MECOM: variants seen among roughly 807,000 people sequenced by gnomAD.
The protein encoded by MECOM is histone-lysine N-methyltransferase MECOM.
A neutral mutation model predicts 116.3 loss-of-function variants in MECOM; 13 were observed. That is an observed-to-expected ratio of 0.11 (90% CI 0.07 to 0.18). MECOM has a LOEUF of 0.18. Among genes scored for constraint, MECOM ranks in the 10% least tolerant of loss-of-function variants. MECOM has a pLI of 1.00. For synonymous variants in MECOM, 528 were observed against 535.2 expected, an observed-to-expected ratio of 0.99 and a Z score of 0.19; for missense variants, 1,299 against 1,509.0, an observed-to-expected ratio of 0.86 and a Z score of 2.31.
chr3:169,594,174 A>AAAAAAAAAAAAAAAAAAACC lies in MECOM; in HGVS notation c.37+69161_37+69162insGGTTTTTTTTTTTTTTTTTT, dbSNP rs1255613781. Among the ~76,000 whole-genome samples, 165 of 125,938 alleles carry AAAAAAAAAAAAAAAAAAACC rather than the reference A, an allele frequency of 1.3e-3. 4 individuals are homozygous for AAAAAAAAAAAAAAAAAAACC. The highest frequency in any genetic ancestry group is 5.1e-3 in the African/African-American group (158 of 31,082). 82.6% of individuals were successfully genotyped at this position (125,938 alleles called of 152,430 possible). On this transcript the variant is annotated intron_variant, in intron 1 of 16. Transcript: ENST00000651503. Reference sequence around the variant, plus strand: ...CACCACAAAAAAAAAAAAAAAAAAAAAACACCTTTTCACCTAAGTACCTCA... The same window carrying AAAAAAAAAAAAAAAAAAACC: ...CACCACAAAAAAAAAAAAAAAAAAAAAAAAAAAAAAAAAAAAAACCAACACCTTTTCACCTAAGTACCTCA...
intron 1 of MECOM, among the ~76,000 whole-genome samples, chr3:169,569,918 T>C (rs1244035169): frequency 6.6e-6 from 1 of 151,612 alleles, no homozygotes; most frequent in Non-Finnish European, 1.5e-5. Flanking sequence ...AAAACCTAAA[T>C]CACAATTAAA....
chr3:169,584,366 C>G (rs948133650), intron 1 of MECOM, among the ~76,000 whole-genome samples: 17 of 151,208 alleles, frequency 1.1e-4, no homozygotes, highest in South Asian at 2.1e-4. Flanking sequence ...GAGATAGAGA[C>G]CATCTTGGCT....
chr3:169,182,263 T>C (rs75187753), intron 2 of MECOM, among the ~76,000 whole-genome samples: 3,722 of 152,330 alleles, frequency 0.024, 156 homozygotes, highest in African/African-American at 0.085. Flanking sequence ...TTATTCTCAC[T>C]TTATTCAAAA....
chr3:169,367,705 C>T lies in MECOM; in HGVS notation c.375+13482G>A, dbSNP rs181295856. ...AGCACTCTACTGGTGGAATAAAAGT[C>T]GGGTCTGAAAGCTGGTGGAATAAAT... On this transcript the variant is annotated intron_variant, in intron 2 of 16. Coordinates refer to ENST00000651503, the MANE Select transcript of MECOM (RefSeq NM_004991.4). Among the ~76,000 whole-genome samples the T allele has an allele frequency of 9.9e-4, 151 of 152,044 alleles. 3 individuals are homozygous for T. The highest frequency in any genetic ancestry group is 5.8e-4 in the East Asian group (3 of 5,146).
At chr3:169,446,278 G>A (rs545437174) in intron 1 of MECOM, among the ~76,000 whole-genome samples, 38 of 152,198 alleles carry the variant, frequency 2.5e-4, no homozygotes, top group Non-Finnish European at 2.4e-4. Context: ...ACCAGGGGGA[G>A]GTAATTGAAT....
intron 2 of MECOM, among the ~76,000 whole-genome samples, chr3:169,190,666 AACAG>A (rs1747403426): frequency 6.6e-6 from 1 of 152,026 alleles, no homozygotes. Flanking sequence ...CCAAAATTTG[AACAG>A]ACATTTTTGT....
intron 3 of MECOM, among the ~76,000 whole-genome samples, chr3:169,139,106 T>C (rs549124298): frequency 4.5e-4 from 68 of 152,122 alleles, no homozygotes; most frequent in South Asian, 6.2e-4. Flanking sequence ...ACAAGGGAGC[T>C]GGCAGAATCC....
chr3:169,378,224 T>A (rs1426685229), intron 2 of MECOM, among the ~76,000 whole-genome samples: 1 of 151,198 alleles, frequency 6.6e-6, no homozygotes, highest in East Asian at 2.0e-4. Context: ...CTAATGTAGA[T>A]GACGGGTTGA....
At chr3:169,213,915 T>G (rs935446350) in intron 2 of MECOM, among the ~76,000 whole-genome samples, 1 of 152,142 alleles carries the variant, frequency 6.6e-6, no homozygotes, top group Non-Finnish European at 1.5e-5. Context: ...TGAAATAATT[T>G]CTTTAGTCTG....
chr3:169,494,404 TG>T (rs1487538753), intron 1 of MECOM, among the ~76,000 whole-genome samples: 1 of 152,204 alleles, frequency 6.6e-6, no homozygotes, highest in Non-Finnish European at 1.5e-5. Context: ...TCTTGATTCA[TG>T]TTGCTATGCT....
intron 1 of MECOM, among the ~76,000 whole-genome samples, chr3:169,616,827 A>G (rs1770071294): frequency 6.6e-6 from 1 of 152,234 alleles, no homozygotes; most frequent in African/African-American, 2.4e-5. Context: ...ATGTTTTCCT[A>G]CCAACTTCCA....
chr3:169,323,082 T>C (rs1039849678), intron 2 of MECOM, among the ~76,000 whole-genome samples: 1 of 147,538 alleles, frequency 6.8e-6, no homozygotes, highest in Non-Finnish European at 1.5e-5. Flanking sequence ...AAAGAAATGG[T>C]TTTCCAGGGA....
chr3:169,377,590 A>G (rs895492262), intron 2 of MECOM, among the ~76,000 whole-genome samples: 25 of 152,240 alleles, frequency 1.6e-4, no homozygotes, highest in African/African-American at 5.8e-4. Context: ...ATCACTGGTC[A>G]TTAGAGAAAT....
intron 1 of MECOM, among the ~76,000 whole-genome samples, chr3:169,382,882 G>T (rs1490436621): frequency 1.6e-5 from 2 of 122,820 alleles, no homozygotes; most frequent in South Asian, 2.7e-4. Context: ...AATAAAAAAA[G>T]AAGGTAAAAT....
chr3:169,460,669 C>G (rs1747291945), intron 1 of MECOM, among the ~76,000 whole-genome samples: 1 of 152,316 alleles, frequency 6.6e-6, no homozygotes, highest in South Asian at 2.1e-4. Context: ...TTCTTCCCTT[C>G]AGAACAAATC....
At chr3:169,243,576 G>GT (rs563212987) in intron 2 of MECOM, among the ~76,000 whole-genome samples, 4 of 151,986 alleles carry the variant, frequency 2.6e-5, no homozygotes, top group African/African-American at 7.2e-5. Flanking sequence ...TTCCAAACAG[G>GT]TTTTTTCCCC....
intron 1 of MECOM, among the ~76,000 whole-genome samples, chr3:169,481,097 T>C (rs1751216853): frequency 6.6e-6 from 1 of 152,002 alleles, no homozygotes. Context: ...AAAAAGCAAA[T>C]CATCACCCCA....
intron 1 of MECOM, among the ~76,000 whole-genome samples, chr3:169,386,664 T>A (rs2108309960): frequency 6.6e-6 from 1 of 152,276 alleles, no homozygotes; most frequent in Admixed American, 6.5e-5. Context: ...TTGCTTCTAA[T>A]TTTCTGATAT....
chr3:169,418,962 T>A (rs1739233152), intron 1 of MECOM, among the ~76,000 whole-genome samples: 2 of 152,216 alleles, frequency 1.3e-5, no homozygotes, highest in Non-Finnish European at 2.9e-5. Context: ...AAATGGTCTG[T>A]TTGCAGATGA....
Sources: gnomAD v4.1 joint callset for allele counts (sites outside exome capture counted in the v4.1 genomes callset) on GRCh38, gnomAD v4.1.1 for gene constraint, MANE v1.5 for transcripts, NCBI Gene and HGNC (gene_info 2026-07-23, HGNC 2026-07-21) for gene names.